FAM241B: variants seen among roughly 807,000 people sequenced by gnomAD.
The protein encoded by FAM241B is family with sequence similarity 241 member B.
In FAM241B, 7 loss-of-function variants were observed where a neutral mutation model predicts 9.3. The ratio of observed to expected loss-of-function variants is 0.75; its 90% CI spans 0.43 to 1.41. The LOEUF is 1.41. Among genes scored for constraint, FAM241B ranks in the 40% most tolerant of loss-of-function variants. The pLI is 0.01. For synonymous variants in FAM241B, 60 were observed against 64.1 expected (o/e 0.94, Z 0.31); for missense variants, 136 against 159.6 (o/e 0.85, Z 0.80).
At chr10:69,630,404 G>A (rs1032395916) in intron 1 of FAM241B, 91 bp downstream of exon 1, 1 of 155,718 alleles carries the variant, frequency 6.4e-6, no homozygotes, top group African/African-American at 2.4e-5. Flanking sequence ...GCTGGGGCTG[G>A]CGGCCGGGGC....
Position 69,630,253 on chromosome 10 carries a change from G to GA in FAM241B, c.-163dup, listed in dbSNP as rs1454566884. ...GCGCGCTTCCTGTGAGGTCAGGTGGGAGGAAACCGCCTGGAGCCGCCGGGA... is the reference window on the plus strand; with the variant it reads ...GCGCGCTTCCTGTGAGGTCAGGTGGGAAGGAAACCGCCTGGAGCCGCCGGGA... On this transcript the variant is annotated 5_prime_UTR_variant, in exon 1 of 4. Coordinates refer to ENST00000373279, the MANE Select transcript of FAM241B (RefSeq NM_145306.3). The GA allele has an allele frequency of 1.3e-5, 2 of 152,598 alleles. No individual in the cohort carries two copies. The highest frequency in any genetic ancestry group is 4.8e-5 in the African/African-American group (2 of 41,452). 9.5% of individuals were successfully genotyped at this position (152,598 alleles called of 1,614,324 possible).
In FAM241B at chr10:69,632,901, C is replaced by T; in HGVS notation, c.208C>T (p.Gln70Ter). ...GTCCCCCTTCAATGACCTCAACCGG[C>T]AGCTGGTGAACATGGGCTTTCCGCA... Reference protein sequence around the residue: ...AQSPFNDLNRQLVNMGFPQWH... With the variant: ...AQSPFNDLNR Residue 70 changes from glutamine to a stop codon, truncating the protein, a stop_gained, in exon 4 of 4, where the codon CAG becomes TAG. Transcript: ENST00000373279. LOFTEE classifies it high-confidence loss of function. 1.2e-6 allele frequency: 2 copies of T among 1,614,228 alleles called. No individual in the cohort carries two copies. Among genetic ancestry groups the T allele is most frequent in the African/African-American group, 1.3e-5 (1 of 75,062 alleles).
Position 69,631,714 on chromosome 10 carries a change from G to C in FAM241B, c.-30G>C, listed in dbSNP as rs1466713697. ...ACCCTGACCACACAATGCAGGTGCA[G>C]CCCATCAGGGACCCACAGCGCCTGG... is the stretch of plus-strand genomic sequence containing the variant. On this transcript the variant is annotated 5_prime_UTR_variant, in exon 3 of 4. Coordinates refer to ENST00000373279, the MANE Select transcript of FAM241B (RefSeq NM_145306.3). The C allele has an allele frequency of 6.2e-7, 1 of 1,606,942 alleles. No individual in the cohort carries two copies. The highest frequency in any genetic ancestry group is 1.1e-5 in the South Asian group (1 of 89,044).
At chr10:69,630,630 G>T (rs931196774) in intron 1 of FAM241B, 4 of 1,297,418 alleles carry the variant, frequency 3.1e-6, no homozygotes, top group Non-Finnish European at 3.0e-6. Context: ...GACCTTTTTC[G>T]GCATACATGT....
Position 69,633,420 on chromosome 10 carries a change from G to A in FAM241B, c.*361G>A, listed in dbSNP as rs1839866180. 4 of 291,244 alleles carry A rather than the reference G, an allele frequency of 1.4e-5. No homozygotes were observed. The highest frequency in any genetic ancestry group is 5.1e-5 in the South Asian group (1 of 19,716). 18.0% of individuals were successfully genotyped at this position (291,244 alleles called of 1,614,324 possible). ...CGATGCCTGTGGAAGACATGCCGAC[G>A]TCTCCTCTGCCTAGGGAGCAGGACT... is the stretch of plus-strand genomic sequence containing the variant. On this transcript the variant is annotated 3_prime_UTR_variant, in exon 4 of 4. Transcript: ENST00000373279.
intron 3 of FAM241B, 118 bp downstream of exon 3, chr10:69,631,957 A>T: frequency 2.4e-6 from 3 of 1,261,282 alleles, no homozygotes; most frequent in Non-Finnish European, 3.1e-6. Flanking sequence ...CCCTCTTTGC[A>T]GAGAGCTGGG....
intron 2 of FAM241B, 55 bp downstream of exon 2, chr10:69,631,602 T>C (rs1839821520): frequency 1.6e-5 from 25 of 1,548,198 alleles, no homozygotes; most frequent in Non-Finnish European, 2.1e-5. Flanking sequence ...TCCACAGATC[T>C]TCACGAGTCT....
Position 69,632,966 on chromosome 10 carries a change from C to T in FAM241B, c.273C>T (p.Ser91=). 4.3e-6 allele frequency: 7 copies of T among 1,614,216 alleles called. No homozygotes were observed. Among genetic ancestry groups the T allele is most frequent in the South Asian group, 1.1e-5 (1 of 91,082 alleles). The change falls in exon 4 of 4, where the codon TCC becomes TCT. Residue 91 remains serine, a synonymous_variant. Coordinates refer to ENST00000373279, the MANE Select transcript of FAM241B (RefSeq NM_145306.3). ...ACCATGCTGTGGAGCCGGTGACCTCCATCCTGCTCCTCTTCCTGCTCATGA... is the reference window on the plus strand; with the variant it reads ...ACCATGCTGTGGAGCCGGTGACCTCTATCCTGCTCCTCTTCCTGCTCATGA... ...LGNHAVEPVT[S]ILLLFLLMML...
At chr10:69,630,879 G>A (rs536564922) in intron 1 of FAM241B, among the ~76,000 whole-genome samples, 1 of 152,270 alleles carries the variant, frequency 6.6e-6, no homozygotes, top group African/African-American at 2.4e-5. Context: ...TGAGGGGCGT[G>A]CCCTCTGCAG....
intron 1 of FAM241B, 120 bp downstream of exon 1, chr10:69,630,433 G>C (rs1839797272): frequency 6.1e-6 from 1 of 164,190 alleles, no homozygotes; most frequent in African/African-American, 2.4e-5. Flanking sequence ...TCCCGCCCCC[G>C]GCCCGGAATG....
At chr10:69,632,760 C>T in intron 3 of FAM241B, 30 bp from the exon 4 acceptor site, 6 of 1,602,542 alleles carry the variant, frequency 3.7e-6, no homozygotes, top group Non-Finnish European at 5.1e-6. Flanking sequence ...CCCAATGATT[C>T]ATTCATCTCT....
chr10:69,631,972 A>AC, intron 3 of FAM241B, 133 bp downstream of exon 3: 9 of 1,249,484 alleles, frequency 7.2e-6, no homozygotes, highest in Admixed American at 2.4e-5. Context: ...GCTGGGGAAG[A>AC]TGCAGTGGCT....
At chr10:69,632,373 G>A (rs550683301) in intron 3 of FAM241B, among the ~76,000 whole-genome samples, 6 of 150,178 alleles carry the variant, frequency 4.0e-5, no homozygotes, top group South Asian at 2.1e-4. Context: ...CAGGAGAATC[G>A]CTTGAACCTG....
Position 69,633,029 on chromosome 10 carries a change from C to A in FAM241B, c.336C>A (p.Val112=). The stretch of plus-strand genomic sequence containing the variant: ...GTGGCCTCCTCCTGGTTGGCCTTGT[C>A]TACCTGGTGTCCCACCTGAGTCAGC... The part of the protein sequence containing the change: ...GVRGLLLVGL[V]YLVSHLSQR Residue 112 remains valine, a synonymous_variant, in exon 4 of 4, where the codon GTC becomes GTA. Coordinates refer to ENST00000373279, the MANE Select transcript of FAM241B (RefSeq NM_145306.3). The A allele has an allele frequency of 6.2e-7, 1 of 1,614,202 alleles. No homozygotes were observed. The highest frequency in any genetic ancestry group is 8.5e-7 in the Non-Finnish European group (1 of 1,180,040).
Position 69,633,073 on chromosome 10 carries a change from A to T in FAM241B, c.*14A>T. On this transcript the variant is annotated 3_prime_UTR_variant, in exon 4 of 4. Transcript: ENST00000373279. Reference sequence around the variant, plus strand: ...AGTCAGCGGTGACCTCTGAGGGCTGATAGGGGTGGGTTTGTTGAGAGGGAC... The same window carrying T: ...AGTCAGCGGTGACCTCTGAGGGCTGTTAGGGGTGGGTTTGTTGAGAGGGAC... 1 of 1,613,484 alleles carries T rather than the reference A, an allele frequency of 6.2e-7. No homozygotes were observed. The highest frequency in any genetic ancestry group is 8.5e-7 in the Non-Finnish European group (1 of 1,179,684).
At chr10:69,630,682 C>T (rs1412526744) in intron 1 of FAM241B, 1 of 1,295,684 alleles carries the variant, frequency 7.7e-7, no homozygotes, top group South Asian at 1.2e-5. Context: ...TGAGGCTCAT[C>T]TCCTGAGAAT....
At position 69,631,697 on chromosome 10, in the gene FAM241B, C is replaced by A; in HGVS notation, c.-35-12C>A. 2 of 1,597,206 alleles carry A rather than the reference C, an allele frequency of 1.3e-6. No homozygotes were observed. ...CTTCCATTAGCCTGCCCACCCTGAC[C>A]ACACAATGCAGGTGCAGCCCATCAG... is the stretch of plus-strand genomic sequence containing the variant. On this transcript the variant is annotated splice_polypyrimidine_tract_variant and intron_variant, in intron 2 of 3. Coordinates refer to ENST00000373279, the MANE Select transcript of FAM241B (RefSeq NM_145306.3).
Position 69,631,822 on chromosome 10 carries a change from G to GACCA in FAM241B, c.79_80insACCA (p.Gly27AspfsTer3). On this transcript the variant is annotated frameshift_variant, in exon 3 of 4. Coordinates refer to ENST00000373279, the MANE Select transcript of FAM241B (RefSeq NM_145306.3). LOFTEE classifies it high-confidence loss of function. ...GAGGACCACTACCCAGCCACCAAGA[G>GACCA]GTAGCATTCCTCGACAGGTAGGTAC... The GACCA allele has an allele frequency of 1.9e-6, 3 of 1,611,762 alleles. No homozygotes were observed. The highest frequency in any genetic ancestry group is 2.5e-6 in the Non-Finnish European group (3 of 1,179,362).
chr10:69,632,801 C>T lies in FAM241B; in HGVS notation c.108C>T (p.Asn36=), dbSNP rs12020. 0.68 allele frequency: 1,092,957 copies of T among 1,612,872 alleles called. 372,892 individuals carry two copies. Among genetic ancestry groups the T allele is most frequent in the East Asian group, 0.88 (39,634 of 44,856 alleles). ...TCTTCACATTCCAGAGCTTCTTCAA[C>T]AGGGGCCATGGTGCTCCCCCAGGGG... ...RGSIPRQSFF[N]RGHGAPPGGP... is the part of the protein sequence containing the mutation. The change falls in exon 4 of 4, where the codon AAC becomes AAT. Residue 36 remains asparagine (N), a synonymous_variant. Transcript: ENST00000373279.
Sources: allele counts gnomAD v4.1 joint callset (sites outside exome capture counted in the v4.1 genomes callset), GRCh38; gene constraint gnomAD v4.1.1; transcripts MANE v1.5; gene names NCBI Gene and HGNC (gene_info 2026-07-23, HGNC 2026-07-21).